Variants in CAB39L observed in about 807,000 individuals in gnomAD.
CAB39L encodes the protein calcium-binding protein 39-like.
A neutral mutation model predicts 39.1 loss-of-function variants in CAB39L; 23 were observed. The ratio of observed to expected loss-of-function variants is 0.59; its 90% confidence interval spans 0.42 to 0.83. The LOEUF (loss-of-function observed/expected upper bound fraction) is 0.83. CAB39L is among the 40% of genes least tolerant of loss of function. The pLI, the probability that CAB39L is intolerant of heterozygous loss-of-function variation, is 0.00. For synonymous variants in CAB39L, 126 were observed against 137.2 expected, an observed-to-expected ratio of 0.92 and a Z score of 0.57; for missense variants, 366 against 391.9, an observed-to-expected ratio of 0.93 and a Z score of 0.56.
At chr13:49,357,811 C>T (rs1955527191) in intron 6 of CAB39L, among the ~76,000 whole-genome samples, 1 of 152,160 alleles carries the variant, frequency 6.6e-6, no homozygotes. Flanking sequence ...CTCCATGTTG[C>T]CTACAGAATG....
intron 3 of CAB39L, among the ~76,000 whole-genome samples, chr13:49,418,786 C>T (rs893272051): frequency 1.3e-5 from 2 of 152,000 alleles, no homozygotes; most frequent in African/African-American, 4.8e-5. Context: ...GTCTCAAACT[C>T]CTGACCTCAA....
At chr13:49,329,875 T>C (rs760113937) in intron 10 of CAB39L, among the ~76,000 whole-genome samples, 8 of 152,084 alleles carry the variant, frequency 5.3e-5, no homozygotes, top group Non-Finnish European at 8.8e-5. Flanking sequence ...TTTCCCTTAG[T>C]CTTAAAATAG....
intron 6 of CAB39L, among the ~76,000 whole-genome samples, chr13:49,355,837 C>T (rs1035958992): frequency 8.6e-5 from 13 of 151,322 alleles, no homozygotes; most frequent in East Asian, 1.9e-4. Context: ...CATTAGACAC[C>T]GATGAAAGTT....
At chr13:49,332,280 C>A (rs1304746124) in intron 9 of CAB39L, among the ~76,000 whole-genome samples, 190 bp from the exon 10 acceptor site, 1 of 152,228 alleles carries the variant, frequency 6.6e-6, no homozygotes, top group Non-Finnish European at 1.5e-5. Context: ...TTTTTTCACA[C>A]TGCTTTGCTG....
chr13:49,384,026 T>C (rs1956302670), intron 3 of CAB39L, among the ~76,000 whole-genome samples: 1 of 152,200 alleles, frequency 6.6e-6, no homozygotes, highest in African/African-American at 2.4e-5. Context: ...TAAAGTTTGC[T>C]ACGTTGACTC....
chr13:49,409,184 G>A (rs1956940585), intron 3 of CAB39L, among the ~76,000 whole-genome samples: 1 of 152,148 alleles, frequency 6.6e-6, no homozygotes. Context: ...GGCAGGCAGA[G>A]GACTCCAGGC....
At chr13:49,410,789 G>A (rs1956975011) in intron 3 of CAB39L, among the ~76,000 whole-genome samples, 1 of 151,922 alleles carries the variant, frequency 6.6e-6, no homozygotes, top group Admixed American at 6.6e-5. Flanking sequence ...ACATATTCAG[G>A]TAATTTACTG....
chr13:49,311,136 A>G, intron 10 of CAB39L, 143 bp from the exon 11 acceptor site: 2 of 680,316 alleles, frequency 2.9e-6, no homozygotes, highest in South Asian at 3.8e-5. Context: ...CCCTGACTCT[A>G]ATTCTCAGTG....
chr13:49,315,322 G>C (rs1355646658), intron 10 of CAB39L, among the ~76,000 whole-genome samples: 1 of 151,996 alleles, frequency 6.6e-6, no homozygotes, highest in Non-Finnish European at 1.5e-5. Context: ...CCAGGCCAGG[G>C]GACCCATAAC....
At chr13:49,355,967 G>T (rs1345885311) in intron 6 of CAB39L, among the ~76,000 whole-genome samples, 1 of 152,056 alleles carries the variant, frequency 6.6e-6, no homozygotes. Context: ...TGTGGTGGGT[G>T]AATGACAGTA....
chr13:49,411,984 T>G (rs1459143670), intron 3 of CAB39L, among the ~76,000 whole-genome samples: 4 of 152,138 alleles, frequency 2.6e-5, no homozygotes, highest in Non-Finnish European at 5.9e-5. Context: ...CCTAGCCCAC[T>G]GCCACTGGAC....
At chr13:49,333,405 C>T (rs890803385) in intron 9 of CAB39L, among the ~76,000 whole-genome samples, 1 of 152,092 alleles carries the variant, frequency 6.6e-6, no homozygotes, top group South Asian at 2.1e-4. Flanking sequence ...ACTTATGCAG[C>T]AATTTTCCAA....
intron 6 of CAB39L, among the ~76,000 whole-genome samples, chr13:49,357,875 A>C (rs9535206): frequency 0.24 from 36,912 of 152,072 alleles, 4,682 homozygotes; most frequent in Middle Eastern, 0.31. Flanking sequence ...TGGTCTCAGT[A>C]TTTCCAACTT....
At chr13:49,323,997 T>G (rs1278859856) in intron 10 of CAB39L, among the ~76,000 whole-genome samples, 1 of 152,146 alleles carries the variant, frequency 6.6e-6, no homozygotes, top group African/African-American at 2.4e-5. Context: ...GCACAGAGGC[T>G]CTCAGTTTCC....
intron 5 of CAB39L, among the ~76,000 whole-genome samples, chr13:49,362,061 A>G (rs1955653334): frequency 6.6e-6 from 1 of 151,872 alleles, no homozygotes; most frequent in African/African-American, 2.4e-5. Context: ...ATATTATAAA[A>G]AAGAAATTAA....
intron 7 of CAB39L, among the ~76,000 whole-genome samples, chr13:49,348,791 T>G (rs969386103): frequency 1.3e-5 from 2 of 152,198 alleles, no homozygotes; most frequent in Non-Finnish European, 2.9e-5. Context: ...TTATAGATCG[T>G]GTGCCAGGCA....
chr13:49,403,563 A>G (rs1472710539), intron 3 of CAB39L, among the ~76,000 whole-genome samples: 1 of 152,172 alleles, frequency 6.6e-6, no homozygotes, highest in African/African-American at 2.4e-5. Flanking sequence ...AGACATTAAA[A>G]CTATTAAAAA....
chr13:49,333,000 G>A (rs563287873), intron 9 of CAB39L, among the ~76,000 whole-genome samples: 12 of 152,050 alleles, frequency 7.9e-5, no homozygotes, highest in African/African-American at 2.2e-4. Flanking sequence ...GAAGAAAAGC[G>A]CACATCAAAC....
intron 5 of CAB39L, among the ~76,000 whole-genome samples, chr13:49,369,586 G>A (rs1202880589): frequency 1.5e-5 from 2 of 134,612 alleles, no homozygotes; most frequent in South Asian, 4.6e-4. Context: ...AAGAGGCAAA[G>A]GAGATTTTTT....
Sources: gnomAD v4.1 joint callset for allele counts (sites outside exome capture counted in the v4.1 genomes callset) on GRCh38, gnomAD v4.1.1 for gene constraint, MANE v1.5 for transcripts, NCBI Gene and HGNC (gene_info 2026-07-23, HGNC 2026-07-21) for gene names.